CRTAC1: variants seen among roughly 807,000 people sequenced by gnomAD.
CRTAC1 encodes the protein acidic secreted protein in cartilage.
Under a neutral mutation model 67.8 loss-of-function variants are expected in CRTAC1, and 37 were observed. The ratio of observed to expected loss-of-function variants is 0.55; its 90% confidence interval spans 0.42 to 0.72. The LOEUF (loss-of-function observed/expected upper bound fraction) is 0.72, where lower values mean the gene tolerates loss of function less well. Ranked by LOEUF, CRTAC1 falls within the 30% of genes least tolerant of loss-of-function variation. CRTAC1 has a pLI of 0.00. For missense variants in CRTAC1, 780 were observed against 931.6 expected (o/e 0.84, Z 2.12); for synonymous variants, 348 against 371.0 (o/e 0.94, Z 0.71).
intron 3 of CRTAC1, among the ~76,000 whole-genome samples, chr10:97,930,708 C>G (rs1057060409): frequency 6.6e-6 from 1 of 152,108 alleles, no homozygotes; most frequent in Non-Finnish European, 1.5e-5. Context: ...AGCTCCTCTG[C>G]TGTGAGGGCA....
At chr10:97,889,336 C>T (rs1308639684) in intron 11 of CRTAC1, among the ~76,000 whole-genome samples, 1 of 151,014 alleles carries the variant, frequency 6.6e-6, no homozygotes, top group African/African-American at 2.4e-5. Context: ...ACCAGGTTGG[C>T]GGTGGGGGAG....
chr10:97,873,272 A>G (rs2136530250), intron 14 of CRTAC1, among the ~76,000 whole-genome samples: 1 of 152,326 alleles, frequency 6.6e-6, no homozygotes, highest in South Asian at 2.1e-4. Context: ...GGGGAGGGCC[A>G]TAGGATTTGT....
At chr10:97,997,090 TG>T (rs1842592293) in intron 2 of CRTAC1, among the ~76,000 whole-genome samples, 1 of 54,780 alleles carries the variant, frequency 1.8e-5, no homozygotes, top group South Asian at 7.5e-4. Flanking sequence ...TGTTGTGGGG[TG>T]GGGGGAGGGG....
chr10:97,923,784 C>T (rs537001777), intron 3 of CRTAC1, among the ~76,000 whole-genome samples: 39 of 152,302 alleles, frequency 2.6e-4, no homozygotes, highest in South Asian at 1.2e-3. Flanking sequence ...CAGGATGGCT[C>T]TTTCTCCAGG....
intron 2 of CRTAC1, among the ~76,000 whole-genome samples, chr10:97,952,377 T>TAAAA (rs1309548568): frequency 6.8e-6 from 1 of 147,214 alleles, no homozygotes; most frequent in African/African-American, 2.5e-5. Context: ...AATAAATAAA[T>TAAAA]AAATAAAAAA....
intron 2 of CRTAC1, among the ~76,000 whole-genome samples, chr10:98,000,907 T>C (rs2136683501): frequency 6.6e-6 from 1 of 152,298 alleles, no homozygotes. Context: ...GTCAAACACT[T>C]GGAGAAACTT....
chr10:97,941,473 T>C (rs961720451), intron 2 of CRTAC1, among the ~76,000 whole-genome samples: 4 of 152,122 alleles, frequency 2.6e-5, no homozygotes, highest in Non-Finnish European at 5.9e-5. Flanking sequence ...GATGCATATC[T>C]CTGACTGGCT....
chr10:98,030,576 G>T lies in CRTAC1; in HGVS notation c.-104C>A. 1.2e-6 allele frequency: 1 copy of T among 822,730 alleles called. No individual in the cohort carries two copies. The highest frequency in any genetic ancestry group is 1.6e-6 in the Non-Finnish European group (1 of 612,324). 51.0% of individuals were successfully genotyped at this position (822,730 alleles called of 1,614,324 possible). A position where few individuals can be genotyped will look rare whatever the true frequency, so the allele number is the denominator to read the frequency against. On this transcript the variant is annotated 5_prime_UTR_variant, in exon 1 of 15. Coordinates refer to ENST00000370597, the MANE Select transcript of CRTAC1 (RefSeq NM_018058.7). This position sits in a 1 kb window ranked among gnomAD's most constrained non-coding sequence, Gnocchi z 4.2. ...TGCTTGCTCCCAGCCCCGGTCCCGG[G>T]CTGGCCTCGAGCCTCCCGCCCCGAC...
At chr10:97,888,727 G>A (rs373820353) in intron 11 of CRTAC1, among the ~76,000 whole-genome samples, 62 of 152,144 alleles carry the variant, frequency 4.1e-4, no homozygotes, top group African/African-American at 1.4e-3. Flanking sequence ...CCCAGACACC[G>A]CACACCAGCA....
At chr10:97,900,928 A>C (rs368280675) in intron 8 of CRTAC1, among the ~76,000 whole-genome samples, 1 of 136,050 alleles carries the variant, frequency 7.4e-6, no homozygotes, top group East Asian at 2.2e-4. Flanking sequence ...TGGACCCTGT[A>C]GCCCCTTTTC....
intron 2 of CRTAC1, among the ~76,000 whole-genome samples, chr10:97,982,941 C>A (rs1234183550): frequency 6.6e-6 from 1 of 152,150 alleles, no homozygotes; most frequent in Non-Finnish European, 1.5e-5. Context: ...TTTTGACGAG[C>A]AAAAGCCAAC....
At chr10:97,889,486 C>A (rs7907699) in intron 11 of CRTAC1, among the ~76,000 whole-genome samples, 1 of 151,970 alleles carries the variant, frequency 6.6e-6, no homozygotes, top group African/African-American at 2.4e-5. Flanking sequence ...GCAGGGTCCA[C>A]TGAGAAGGGA....
chr10:97,974,974 G>A (rs1428703492), intron 2 of CRTAC1, among the ~76,000 whole-genome samples: 1 of 152,104 alleles, frequency 6.6e-6, no homozygotes, highest in Admixed American at 6.5e-5. Context: ...GGAGAAGGGA[G>A]CGGGCAGTGG....
intron 2 of CRTAC1, among the ~76,000 whole-genome samples, chr10:97,959,777 G>T (rs2051496030): frequency 6.6e-6 from 1 of 152,218 alleles, no homozygotes; most frequent in African/African-American, 2.4e-5. Flanking sequence ...TGTCTCATTT[G>T]CTGGCTCTAG....
At chr10:97,923,184 T>C in intron 4 of CRTAC1, 80 bp downstream of exon 4, 1 of 1,556,004 alleles carries the variant, frequency 6.4e-7, no homozygotes. Context: ...CGCCACTCTG[T>C]CAGGGGACGT....
intron 2 of CRTAC1, among the ~76,000 whole-genome samples, chr10:97,942,290 C>T (rs2051187466): frequency 6.6e-6 from 1 of 152,180 alleles, no homozygotes. Flanking sequence ...CTTAATAAAC[C>T]ACCGCAGAGT....
At chr10:97,907,131 G>A (rs2050623434) in intron 6 of CRTAC1, among the ~76,000 whole-genome samples, 1 of 152,208 alleles carries the variant, frequency 6.6e-6, no homozygotes, top group Non-Finnish European at 1.5e-5. Context: ...GTGGGCACTG[G>A]AGGCCAAGCC....
Position 97,865,478 on chromosome 10 carries a change from G to A in CRTAC1, c.*70C>T. On this transcript the variant is annotated 3_prime_UTR_variant, in exon 15 of 15. Coordinates refer to ENST00000370597, the MANE Select transcript of CRTAC1 (RefSeq NM_018058.7). ...CAGGCCTTTACATCCCTACTGTCTA[G>A]GCAGCAGCACAAGCCCACTTTCCCA... 6.5e-7 allele frequency: 1 copy of A among 1,542,060 alleles called. No individual in the cohort carries two copies. The highest frequency in any genetic ancestry group is 1.8e-5 in the Admixed American group (1 of 55,434).
chr10:97,921,367 G>A (rs2050833508), intron 4 of CRTAC1, among the ~76,000 whole-genome samples: 1 of 152,146 alleles, frequency 6.6e-6, no homozygotes, highest in African/African-American at 2.4e-5. Flanking sequence ...TTCACCCAGG[G>A]GCAGGGAGGC....
Sources: allele counts gnomAD v4.1 joint callset (sites outside exome capture counted in the v4.1 genomes callset), GRCh38; gene constraint gnomAD v4.1.1; non-coding constraint Gnocchi (gnomAD v3.1); transcripts MANE v1.5; gene names NCBI Gene and HGNC (gene_info 2026-07-23, HGNC 2026-07-21).